Variants in ADGRG7 observed in about 807,000 individuals in gnomAD.
ADGRG7 encodes G-protein coupled receptor 128.
In ADGRG7, 82 loss-of-function variants were observed where a neutral mutation model predicts 88.6. The ratio of observed to expected loss-of-function variants is 0.93; its 90% CI spans 0.77 to 1.11. The LOEUF is 1.11. Ranked by LOEUF, ADGRG7 falls within the 50% of genes most tolerant of loss-of-function variation. The probability of loss-of-function intolerance (pLI) is 0.00; values close to 1 mark genes in which losing one functional copy is unlikely to be tolerated. For missense variants in ADGRG7, 945 were observed against 953.4 expected, an observed-to-expected ratio of 0.99 and a Z score of 0.12; for synonymous variants, 381 against 345.2, an observed-to-expected ratio of 1.10 and a Z score of -1.15.
intron 14 of ADGRG7, among the ~76,000 whole-genome samples, chr3:100,666,364 A>G (rs2094951727): frequency 2.6e-5 from 4 of 152,174 alleles, no homozygotes; most frequent in Admixed American, 2.6e-4. Flanking sequence ...TAGGGTCACA[A>G]GATAATAGTG....
intron 13 of ADGRG7, among the ~76,000 whole-genome samples, chr3:100,657,205 A>G (rs929351628): frequency 6.6e-6 from 1 of 152,192 alleles, no homozygotes; most frequent in African/African-American, 2.4e-5. Context: ...GATGTGTGAC[A>G]TAAGCATCTG....
chr3:100,628,374 G>GTTT lies in ADGRG7; in HGVS notation c.116-1216_116-1214dup, dbSNP rs35854044. 1.4e-3 allele frequency among the ~76,000 whole-genome samples: 209 copies of GTTT among 146,388 alleles called. 1 individual carries two copies. The highest frequency in any genetic ancestry group is 5.1e-3 in the African/African-American group (202 of 39,818). On this transcript the variant is annotated intron_variant, in intron 1 of 15. Coordinates refer to ENST00000273352, the MANE Select transcript of ADGRG7 (RefSeq NM_032787.3). ...TAGAACTCTGCCACTTGTTTTTTTT[G>GTTT]TTTTTTTTTTGAGATTACTGTGTCA...
Position 100,643,612 on chromosome 3 carries a change from G to T in ADGRG7, c.925G>T (p.Val309Phe). The T allele has an allele frequency of 6.2e-7, 1 of 1,613,210 alleles. No homozygotes were observed. Among genetic ancestry groups the T allele is most frequent in the Non-Finnish European group, 8.5e-7 (1 of 1,179,466 alleles). Reference protein sequence around the residue: ...LNPDAQTELQVLLNMTKNYTK... With the variant: ...LNPDAQTELQFLLNMTKNYTK... ...CCCAGATGCACAGACTGAGCTTCAG[G>T]TCTTGCTTAATATGACGAAAAGTAA... The change falls in exon 8 of 16, where the codon GTC becomes TTC. Residue 309 changes from valine (V) to phenylalanine (F), a missense_variant. By Grantham distance (50) the Val-to-Phe change is conservative. Coordinates refer to ENST00000273352, the MANE Select transcript of ADGRG7 (RefSeq NM_032787.3).
At position 100,659,768 on chromosome 3, in the gene ADGRG7, T is replaced by C. The variant is rs1429995985; in HGVS notation, c.1904T>C (p.Ile635Thr). Reference sequence around the variant, plus strand: ...TCATTCATCGTACCTGTAACCATTATCCTCATCAGCAATGTTGTTATGTTT... The same window carrying C: ...TCATTCATCGTACCTGTAACCATTACCCTCATCAGCAATGTTGTTATGTTT... ...LWSFIVPVTI[I>T]LISNVVMFIT... Residue 635 changes from isoleucine to threonine, a missense_variant, in exon 14 of 16, where the codon ATC (isoleucine) becomes ACC (threonine). Physicochemically the swap from Ile to Thr is moderately conservative, Grantham distance 89. Transcript: ENST00000273352. 6 of 1,614,036 alleles carry C rather than the reference T, an allele frequency of 3.7e-6. No homozygotes were observed. The highest frequency in any genetic ancestry group is 1.1e-5 in the South Asian group (1 of 91,072).
chr3:100,655,051 A>C lies in ADGRG7; in HGVS notation c.1596A>C (p.Leu532Phe). The C allele has an allele frequency of 6.2e-7, 1 of 1,614,224 alleles. No homozygotes were observed. The highest frequency in any genetic ancestry group is 1.1e-5 in the South Asian group (1 of 91,088). ...PNPMCTAIAA[L>F]LHYFLLVTFT... ...CCATGTGCACTGCGATTGCCGCCTT[A>C]CTGCACTATTTTCTGTTAGTGACAT... Residue 532 changes from leucine to phenylalanine, a missense_variant, in exon 12 of 16, where the codon TTA becomes TTC. Coordinates refer to ENST00000273352, the MANE Select transcript of ADGRG7 (RefSeq NM_032787.3).
At chr3:100,673,369 ACT>A (rs1318814817) in intron 15 of ADGRG7, among the ~76,000 whole-genome samples, 2 of 149,174 alleles carry the variant, frequency 1.3e-5, no homozygotes, top group Non-Finnish European at 3.0e-5. Flanking sequence ...TTTTTATAGT[ACT>A]CTCTGATGGT....
At chr3:100,648,758 C>T (rs951002051) in intron 10 of ADGRG7, among the ~76,000 whole-genome samples, 1 of 151,696 alleles carries the variant, frequency 6.6e-6, no homozygotes, top group Non-Finnish European at 1.5e-5. Context: ...TCATATTTTA[C>T]AAATAAGAAT....
At position 100,625,566 on chromosome 3, in the gene ADGRG7, T is replaced by C. The variant is rs147717532; in HGVS notation, c.116-4032T>C. On this transcript the variant is annotated intron_variant, in intron 1 of 15. Transcript: ENST00000273352. ...CTGGCCAGAACTTCCAATACTATGT[T>C]GAATAGGGTTGGTGAGAGGGGGCAT... Among the ~76,000 whole-genome samples the C allele has an allele frequency of 1.5e-3, 222 of 152,338 alleles. No homozygotes were observed. In the Middle Eastern group the frequency reaches 0.024, roughly 16 times the overall value.
intron 1 of ADGRG7, among the ~76,000 whole-genome samples, chr3:100,623,812 G>C (rs1157566365): frequency 6.6e-6 from 1 of 151,972 alleles, no homozygotes; most frequent in East Asian, 1.9e-4. Flanking sequence ...TTGGTTTTCT[G>C]TTCCTGTGTT....
In ADGRG7 at chr3:100,635,786, T is replaced by C. The variant is rs1707530102; in HGVS notation, c.557T>C (p.Val186Ala). Residue 186 changes from valine to alanine, a missense_variant, in exon 5 of 16, where the codon GTT becomes GCT. Transcript: ENST00000273352. ...AACATCACTAGTGCTACGCGAGTGG[T>C]TGGACAGATATTCAACACTTCCAGA... ...AENITSATRV[V>A]GQIFNTSRNA... The C allele has an allele frequency of 1.9e-6, 3 of 1,613,800 alleles. No individual in the cohort carries two copies. Among genetic ancestry groups the C allele is most frequent in the East Asian group, 4.5e-5 (2 of 44,850 alleles).
At chr3:100,644,417 A>G (rs1331835780) in intron 8 of ADGRG7, among the ~76,000 whole-genome samples, 1 of 152,130 alleles carries the variant, frequency 6.6e-6, no homozygotes, top group Non-Finnish European at 1.5e-5. Flanking sequence ...CTTCTTGTGC[A>G]TTTTTTCTTT....
chr3:100,688,541 G>A (rs916935614), intron 15 of ADGRG7, among the ~76,000 whole-genome samples: 11 of 152,170 alleles, frequency 7.2e-5, no homozygotes, highest in African/African-American at 2.7e-4. Flanking sequence ...TCTACACACT[G>A]CTTTGAATGT....
rs1707486532 is a variant in ADGRG7 at position 100,633,498 on chromosome 3, A to G, written c.447+121A>G. ...AAAACTCTCAAATTAGTAATAACAAAAACTAGTGACTAAAGCCACTCTTAT... is the reference window on the plus strand; with the variant it reads ...AAAACTCTCAAATTAGTAATAACAAGAACTAGTGACTAAAGCCACTCTTAT... On this transcript the variant is annotated intron_variant, in intron 4 of 15. Transcript: ENST00000273352. 6.4e-6 allele frequency: 3 copies of G among 466,268 alleles called. No individual in the cohort carries two copies. The South Asian group carries it at 2.0e-4, about 31-fold the overall frequency. 28.9% of individuals were successfully genotyped at this position (466,268 alleles called of 1,614,324 possible).
intron 13 of ADGRG7, among the ~76,000 whole-genome samples, chr3:100,658,216 C>G (rs1016266464): frequency 6.6e-6 from 1 of 152,148 alleles, no homozygotes; most frequent in East Asian, 1.9e-4. Flanking sequence ...AATTATTTTG[C>G]TTTACTTTTA....
chr3:100,641,424 G>A (rs1382948492), intron 6 of ADGRG7, among the ~76,000 whole-genome samples: 1 of 151,798 alleles, frequency 6.6e-6, no homozygotes, highest in East Asian at 1.9e-4. Flanking sequence ...TTACACTGAA[G>A]ACGTAACAAT....
chr3:100,622,402 A>G (rs532270708), intron 1 of ADGRG7, among the ~76,000 whole-genome samples: 1 of 150,596 alleles, frequency 6.6e-6, no homozygotes, highest in African/African-American at 2.5e-5. Flanking sequence ...GGGTCTATTT[A>G]TGGAGTCTCT....
intron 11 of ADGRG7, chr3:100,654,253 C>T (rs1358316732): frequency 6.6e-6 from 1 of 152,042 alleles, no homozygotes; most frequent in African/African-American, 2.4e-5. Flanking sequence ...GGCACTTGTG[C>T]CTTTGTGGAA....
chr3:100,623,417 A>AT (rs1480052463), intron 1 of ADGRG7, among the ~76,000 whole-genome samples: 1 of 152,076 alleles, frequency 6.6e-6, no homozygotes, highest in African/African-American at 2.4e-5. Context: ...GTTCTACTTC[A>AT]TTGATGTATT....
chr3:100,610,763 C>T (rs1707135760), intron 1 of ADGRG7, among the ~76,000 whole-genome samples: 1 of 152,172 alleles, frequency 6.6e-6, no homozygotes. Context: ...TCGTGAAAAT[C>T]AGAGAAAGCT....
Sources: allele counts gnomAD v4.1 joint callset (sites outside exome capture counted in the v4.1 genomes callset), GRCh38; gene constraint gnomAD v4.1.1; transcripts MANE v1.5; gene names NCBI Gene and HGNC (gene_info 2026-07-23, HGNC 2026-07-21).